The following CCDC60 variants were observed in gnomAD, a reference collection of about 807,000 sequenced individuals.
CCDC60 encodes the protein coiled-coil domain-containing protein 60.
In CCDC60, 54 loss-of-function variants were observed where a neutral mutation model predicts 63.5. The observed-to-expected ratio is 0.85, with a 90% CI of 0.68 to 1.07. CCDC60 has a LOEUF of 1.07. CCDC60 is among the 50% of genes least tolerant of loss of function. The pLI is 0.00. For missense variants in CCDC60, 651 were observed against 684.3 expected (o/e 0.95, Z 0.54); for synonymous variants, 206 against 238.8 (o/e 0.86, Z 1.27).
chr12:119,423,185 G>C (rs183760531), intron 1 of CCDC60, among the ~76,000 whole-genome samples: 1 of 151,784 alleles, frequency 6.6e-6, no homozygotes, highest in Non-Finnish European at 1.5e-5. Context: ...GACAATTTTT[G>C]GGGGGGCGAG....
chr12:119,432,662 C>T (rs974013393), intron 2 of CCDC60, among the ~76,000 whole-genome samples: 6 of 152,260 alleles, frequency 3.9e-5, no homozygotes, highest in African/African-American at 1.4e-4. Context: ...CTTGACTCAG[C>T]CTAAGGAGGG....
At chr12:119,523,162 G>A (rs982534403) in intron 10 of CCDC60, among the ~76,000 whole-genome samples, 161 bp downstream of exon 10, 1 of 152,228 alleles carries the variant, frequency 6.6e-6, no homozygotes, top group African/African-American at 2.4e-5. Flanking sequence ...GGGACTCATA[G>A]TCAAGAAGCT....
intron 5 of CCDC60, among the ~76,000 whole-genome samples, chr12:119,493,535 A>G (rs978391359): frequency 8.0e-6 from 1 of 125,344 alleles, no homozygotes; most frequent in African/African-American, 2.9e-5. Flanking sequence ...CTTTATTGAG[A>G]AAAAAAAAAA....
intron 1 of CCDC60, among the ~76,000 whole-genome samples, chr12:119,418,694 C>T (rs370925566): frequency 6.6e-6 from 1 of 152,048 alleles, no homozygotes; most frequent in Non-Finnish European, 1.5e-5. Context: ...GGATTACAGG[C>T]GTGAGCCCCA....
chr12:119,407,491 C>T (rs1956515764), intron 1 of CCDC60, among the ~76,000 whole-genome samples: 1 of 152,172 alleles, frequency 6.6e-6, no homozygotes, highest in African/African-American at 2.4e-5. Context: ...ATGATCATGC[C>T]ACTGCACTCC....
At chr12:119,467,937 G>A (rs1950982783) in intron 2 of CCDC60, among the ~76,000 whole-genome samples, 1 of 152,116 alleles carries the variant, frequency 6.6e-6, no homozygotes, top group South Asian at 2.1e-4. Flanking sequence ...TTTCAAACAT[G>A]AATTCCACCT....
intron 1 of CCDC60, among the ~76,000 whole-genome samples, chr12:119,360,677 C>T (rs1955777245): frequency 6.6e-6 from 1 of 151,824 alleles, no homozygotes; most frequent in African/African-American, 2.4e-5. Context: ...AGACACTCCT[C>T]ACTTCCTAGA....
chr12:119,455,610 C>G (rs1950712872), intron 2 of CCDC60, among the ~76,000 whole-genome samples: 1 of 151,928 alleles, frequency 6.6e-6, no homozygotes, highest in African/African-American at 2.4e-5. Flanking sequence ...TGCTTATAAT[C>G]CTAAATTTTT....
intron 2 of CCDC60, among the ~76,000 whole-genome samples, chr12:119,457,036 C>T (rs1298739185): frequency 6.6e-6 from 1 of 152,178 alleles, no homozygotes; most frequent in Non-Finnish European, 1.5e-5. Flanking sequence ...ACACCTCTGA[C>T]ACAAGCAATC....
At chr12:119,396,006 C>T (rs976687048) in intron 1 of CCDC60, among the ~76,000 whole-genome samples, 2 of 151,978 alleles carry the variant, frequency 1.3e-5, no homozygotes, top group Admixed American at 6.6e-5. Flanking sequence ...GGCTTGATCT[C>T]AACTCACTGC....
At chr12:119,490,805 A>G (rs539565660) in intron 5 of CCDC60, among the ~76,000 whole-genome samples, 38 of 151,886 alleles carry the variant, frequency 2.5e-4, no homozygotes, top group Non-Finnish European at 5.1e-4. Context: ...TGTCTAGCTC[A>G]TGCCCTCAAG....
At chr12:119,408,960 C>A (rs550696143) in intron 1 of CCDC60, among the ~76,000 whole-genome samples, 22 of 152,190 alleles carry the variant, frequency 1.4e-4, no homozygotes, top group Non-Finnish European at 2.8e-4. Context: ...AGAGCAGGTG[C>A]CCAAGACAGA....
intron 1 of CCDC60, among the ~76,000 whole-genome samples, chr12:119,417,824 A>G (rs970618599): frequency 3.2e-4 from 48 of 152,182 alleles, no homozygotes; most frequent in Non-Finnish European, 1.5e-4. Flanking sequence ...TTGTTTCCCA[A>G]CTTCATCCAA....
rs1429981951 is a variant in CCDC60, at chr12:119,500,063, C to T, written c.558-15C>T. 1 of 1,566,158 alleles carries T rather than the reference C, an allele frequency of 6.4e-7. No individual in the cohort carries two copies. Among genetic ancestry groups the T allele is most frequent in the Non-Finnish European group, 8.8e-7 (1 of 1,136,528 alleles). ...CTCTGGAAACGGAAAACTCATTAAG[C>T]TGTTTCTCACTCAGGGACCCGGGTG... is the stretch of plus-strand genomic sequence containing the variant. On this transcript the variant is annotated splice_polypyrimidine_tract_variant and intron_variant, in intron 5 of 13. Coordinates refer to ENST00000327554, the MANE Select transcript of CCDC60 (RefSeq NM_178499.5).
rs747663726 is a variant in CCDC60 at position 119,456,001 on chromosome 12, G to GAAAGAGAA, written c.171-15992_171-15991insAAGAGAAA. Among the ~76,000 whole-genome samples the GAAAGAGAA allele has an allele frequency of 0.038, 1,923 of 50,976 alleles. 34 individuals carry two copies. Among genetic ancestry groups the GAAAGAGAA allele is most frequent in the East Asian group, 0.066 (63 of 956 alleles). 33.4% of individuals were successfully genotyped at this position (50,976 alleles called of 152,430 possible). A position where few individuals can be genotyped will look rare whatever the true frequency, so the allele number is the denominator to read the frequency against. On this transcript the variant is annotated intron_variant, in intron 2 of 13. Transcript: ENST00000327554. This position sits in a 1 kb window ranked among gnomAD's most constrained non-coding sequence, Gnocchi z 4.6. The stretch of plus-strand genomic sequence containing the variant: ...AGGGAGAGAGAAAGAGAGAGAGAAA[G>GAAAGAGAA]AGAAAGAAAGAAAGAAAGAAAGAAA...
intron 1 of CCDC60, among the ~76,000 whole-genome samples, chr12:119,381,703 G>A (rs575228709): frequency 5.3e-5 from 8 of 152,226 alleles, no homozygotes; most frequent in East Asian, 1.9e-4. Flanking sequence ...TTCTAAGGAC[G>A]AGGAAGCTGG....
chr12:119,530,495 G>C (rs1952811420), intron 12 of CCDC60, among the ~76,000 whole-genome samples: 1 of 152,088 alleles, frequency 6.6e-6, no homozygotes, highest in African/African-American at 2.4e-5. Context: ...AGAGCCTCCA[G>C]CATCCTAGTA....
chr12:119,525,251 T>C (rs560992203), intron 11 of CCDC60, among the ~76,000 whole-genome samples: 17 of 152,334 alleles, frequency 1.1e-4, no homozygotes, highest in Admixed American at 8.5e-4. Flanking sequence ...CATGAAAACT[T>C]CTTCAACCTT....
At chr12:119,455,890 GGAAA>G (rs1471894422) in intron 2 of CCDC60, among the ~76,000 whole-genome samples, 27 of 135,904 alleles carry the variant, frequency 2.0e-4, no homozygotes, top group Admixed American at 3.2e-4. Context: ...GGAAAAGAAA[GGAAA>G]GAAAGAAGGA....
Sources: gnomAD v4.1 joint callset for allele counts (sites outside exome capture counted in the v4.1 genomes callset) on GRCh38, gnomAD v4.1.1 for gene constraint, Gnocchi (gnomAD v3.1) non-coding constraint, MANE v1.5 for transcripts, NCBI Gene and HGNC (gene_info 2026-07-23, HGNC 2026-07-21) for gene names.